Variants in COL11A1 observed in about 807,000 individuals in gnomAD.
COL11A1 encodes collagen alpha-1(XI) chain.
In COL11A1, 74 loss-of-function variants were observed where a neutral mutation model predicts 265.2. The ratio of observed to expected loss-of-function variants is 0.28; its 90% CI spans 0.23 to 0.34. The LOEUF (loss-of-function observed/expected upper bound fraction) is 0.34. COL11A1 is among the 10% of genes least tolerant of loss of function. COL11A1 has a pLI of 1.00. For missense variants in COL11A1, 2,165 were observed against 2,263.6 expected, an observed-to-expected ratio of 0.96 and a Z score of 0.88; for synonymous variants, 816 against 727.6, an observed-to-expected ratio of 1.12 and a Z score of -1.96.
At chr1:102,886,729 T>A in intron 63 of COL11A1, 78 bp downstream of exon 63, 1 of 1,570,316 alleles carries the variant, frequency 6.4e-7, no homozygotes, top group Non-Finnish European at 8.8e-7. Flanking sequence ...AACATTTAAC[T>A]AGAATGAATG....
chr1:103,036,306 C>CA (rs1279232347), intron 4 of COL11A1, among the ~76,000 whole-genome samples: 1 of 128,916 alleles, frequency 7.8e-6, no homozygotes, highest in East Asian at 2.2e-4. Context: ...TGCTGAAAAA[C>CA]AAAAAAGTTG....
At chr1:102,956,510 A>G (rs1273029844) in intron 41 of COL11A1, among the ~76,000 whole-genome samples, 1 of 152,086 alleles carries the variant, frequency 6.6e-6, no homozygotes, top group Non-Finnish European at 1.5e-5. Flanking sequence ...AGACAATATA[A>G]ATTTTAAAAT....
At chr1:102,916,437 C>T (rs1042677291) in intron 49 of COL11A1, among the ~76,000 whole-genome samples, 1 of 152,038 alleles carries the variant, frequency 6.6e-6, no homozygotes, top group Non-Finnish European at 1.5e-5. Context: ...ACAATACATT[C>T]ATTTACCATG....
intron 42 of COL11A1, among the ~76,000 whole-genome samples, chr1:102,940,952 T>C: frequency 6.6e-6 from 1 of 152,200 alleles, no homozygotes; most frequent in East Asian, 1.9e-4. Context: ...ACTGTGTAAT[T>C]TTTTAAAAGT....
intron 54 of COL11A1, 23 bp from the exon 55 acceptor site, chr1:102,899,017 A>G (rs748324856): frequency 1.4e-6 from 2 of 1,411,720 alleles, no homozygotes; most frequent in Non-Finnish European, 1.9e-6. Flanking sequence ...GATTTATTGT[A>G]AAATATGTAT....
intron 47 of COL11A1, 34 bp from the exon 48 acceptor site, chr1:102,921,605 C>G: frequency 6.5e-7 from 1 of 1,535,456 alleles, no homozygotes; most frequent in Non-Finnish European, 9.0e-7. Flanking sequence ...TTACAAAGAC[C>G]AAATTCAAAT....
intron 9 of COL11A1, among the ~76,000 whole-genome samples, chr1:103,019,390 T>C (rs1666813621): frequency 6.6e-6 from 1 of 152,132 alleles, no homozygotes; most frequent in African/African-American, 2.4e-5. Flanking sequence ...AACTCAGTTC[T>C]AAAACATTTA....
chr1:103,049,275 G>T (rs1007483581), intron 4 of COL11A1, among the ~76,000 whole-genome samples: 9 of 152,150 alleles, frequency 5.9e-5, no homozygotes, highest in South Asian at 4.1e-4. Context: ...TTATGAATCT[G>T]GGTGCTCCTG....
At chr1:103,086,773 A>G (rs978019898) in intron 1 of COL11A1, among the ~76,000 whole-genome samples, 2 of 151,842 alleles carry the variant, frequency 1.3e-5, no homozygotes, top group Admixed American at 6.6e-5. Context: ...AAAAAACAAT[A>G]CAAGTAGAGA....
intron 57 of COL11A1, among the ~76,000 whole-genome samples, chr1:102,897,213 TGTGAATCCCA>T (rs1192489413): frequency 6.6e-6 from 1 of 152,046 alleles, no homozygotes; most frequent in African/African-American, 2.4e-5. Context: ...CTGAATGAAC[TGTGAATCCCA>T]GTTGTGATGG....
At chr1:102,947,216 ATATT>A (rs1377649282) in intron 41 of COL11A1, among the ~76,000 whole-genome samples, 4 of 151,510 alleles carry the variant, frequency 2.6e-5, no homozygotes, top group African/African-American at 9.8e-5. Flanking sequence ...GATGTATTTA[ATATT>A]TATTTAATGT....
intron 37 of COL11A1, among the ~76,000 whole-genome samples, chr1:102,965,766 T>C (rs1469678345): frequency 1.3e-5 from 2 of 152,200 alleles, no homozygotes; most frequent in Non-Finnish European, 2.9e-5. Flanking sequence ...ATAATTACCT[T>C]TAATAAATGA....
At chr1:102,934,822 A>T (rs1266692849) in intron 45 of COL11A1, among the ~76,000 whole-genome samples, 1 of 152,222 alleles carries the variant, frequency 6.6e-6, no homozygotes, top group African/African-American at 2.4e-5. Flanking sequence ...AATTTTCTGA[A>T]TTATTATCTA....
Position 102,961,937 on chromosome 1 carries a change from A to C in COL11A1, c.3115-18T>G, listed in dbSNP as rs1660950013. On this transcript the variant is annotated intron_variant, in intron 40 of 66. Coordinates refer to ENST00000370096, the MANE Select transcript of COL11A1 (RefSeq NM_001854.4). ...GGTGCACCCTGGGAAAAGTGAAAAA[A>C]ATAAAGAAAATGAATCCATATGAAT... The C allele has an allele frequency of 6.2e-7, 1 of 1,609,234 alleles. No individual in the cohort carries two copies. Among genetic ancestry groups the C allele is most frequent in the Non-Finnish European group, 8.5e-7 (1 of 1,177,486 alleles).
At chr1:103,016,528 C>G (rs1028046293) in intron 11 of COL11A1, among the ~76,000 whole-genome samples, 1 of 151,776 alleles carries the variant, frequency 6.6e-6, no homozygotes, top group African/African-American at 2.4e-5. Flanking sequence ...TATAAGGAGA[C>G]ATTTCTACAT....
intron 54 of COL11A1, 126 bp from the exon 55 acceptor site, chr1:102,899,120 T>G: frequency 7.0e-6 from 3 of 426,200 alleles, no homozygotes; most frequent in Non-Finnish European, 1.2e-5. Flanking sequence ...TATCACTATT[T>G]GGTTTAAAAC....
chr1:102,974,722 A>C, intron 36 of COL11A1, 108 bp downstream of exon 36: 3 of 811,992 alleles, frequency 3.7e-6, no homozygotes, highest in Non-Finnish European at 6.0e-6. Context: ...GTAATTTTAC[A>C]GAGATTTTAT....
intron 54 of COL11A1, among the ~76,000 whole-genome samples, chr1:102,902,525 T>C (rs1405539429): frequency 1.3e-5 from 2 of 152,060 alleles, no homozygotes; most frequent in East Asian, 3.9e-4. Context: ...TAAATAAATT[T>C]GATTCAAAAT....
chr1:102,984,477 C>A (rs1663347285), intron 30 of COL11A1, among the ~76,000 whole-genome samples: 1 of 151,966 alleles, frequency 6.6e-6, no homozygotes, highest in East Asian at 1.9e-4. Context: ...GAGAACTCTG[C>A]ACTTCTTTGT....
Sources: gnomAD v4.1 joint callset for allele counts (sites outside exome capture counted in the v4.1 genomes callset) on GRCh38, gnomAD v4.1.1 for gene constraint, MANE v1.5 for transcripts, NCBI Gene and HGNC (gene_info 2026-07-23, HGNC 2026-07-21) for gene names.